ADGB: variants seen among roughly 807,000 people sequenced by gnomAD.
ADGB encodes the protein calpain-7-like protein.
Under a neutral mutation model 210.5 loss-of-function variants are expected in ADGB, and 172 were observed. That is an observed-to-expected ratio of 0.82 (90% CI 0.72 to 0.93). The LOEUF (loss-of-function observed/expected upper bound fraction) is 0.93, where lower values mean the gene tolerates loss of function less well. ADGB is among the 40% of genes least tolerant of loss of function. ADGB has a pLI of 0.00. For missense variants in ADGB, 2,025 were observed against 1,964.8 expected (o/e 1.03, Z -0.58); for synonymous variants, 658 against 662.7 (o/e 0.99, Z 0.11).
intron 1 of ADGB, among the ~76,000 whole-genome samples, chr6:146,633,270 C>T (rs1781090840): frequency 6.6e-6 from 1 of 152,098 alleles, no homozygotes; most frequent in Non-Finnish European, 1.5e-5. Context: ...AGTCCAAACC[C>T]CCATTAGTTC....
chr6:146,693,714 G>A (rs1776363414), intron 12 of ADGB, among the ~76,000 whole-genome samples: 1 of 151,910 alleles, frequency 6.6e-6, no homozygotes, highest in African/African-American at 2.4e-5. Context: ...CTTTTTTCTA[G>A]CATTTTACTA....
At chr6:146,712,881 A>T (rs1413870311) in intron 13 of ADGB, among the ~76,000 whole-genome samples, 2 of 151,984 alleles carry the variant, frequency 1.3e-5, no homozygotes, top group African/African-American at 4.8e-5. Flanking sequence ...CAAAAGTAAA[A>T]CTCTATATGC....
intron 1 of ADGB, among the ~76,000 whole-genome samples, chr6:146,617,140 T>G (rs575944601): frequency 6.6e-6 from 1 of 152,090 alleles, no homozygotes; most frequent in Non-Finnish European, 1.5e-5. Context: ...TTTTTTAGTT[T>G]TCTTTGTAGA....
At chr6:146,814,000 CCTT>C (rs925941725) in intron 35 of ADGB, among the ~76,000 whole-genome samples, 99 of 82,278 alleles carry the variant, frequency 1.2e-3, no homozygotes, top group Non-Finnish European at 1.5e-3. Flanking sequence ...TACAAACTCT[CCTT>C]AAAATCTCTC....
At chr6:146,793,848 C>T (rs1481815349) in intron 33 of ADGB, among the ~76,000 whole-genome samples, 1 of 152,192 alleles carries the variant, frequency 6.6e-6, no homozygotes, top group Non-Finnish European at 1.5e-5. Context: ...GTACAAAGTC[C>T]TTCTTTCTCA....
chr6:146,751,000 C>A (rs772920866), intron 26 of ADGB, among the ~76,000 whole-genome samples: 73 of 151,924 alleles, frequency 4.8e-4, no homozygotes, highest in Non-Finnish European at 8.2e-4. Flanking sequence ...TTCTGGTGTA[C>A]CTGTGCAAGA....
At chr6:146,748,349 G>T (rs767639167) in intron 26 of ADGB, among the ~76,000 whole-genome samples, 1 of 152,080 alleles carries the variant, frequency 6.6e-6, no homozygotes, top group Admixed American at 6.6e-5. Flanking sequence ...CTGGGTGGGT[G>T]ACTTATGCAA....
chr6:146,637,492 A>G (rs1465105891), intron 2 of ADGB, among the ~76,000 whole-genome samples: 1 of 152,056 alleles, frequency 6.6e-6, no homozygotes, highest in African/African-American at 2.4e-5. Context: ...ATAAAAAACG[A>G]TTTAATGGTA....
chr6:146,664,290 A>G lies in ADGB; in HGVS notation c.702A>G (p.Glu234=). The G allele has an allele frequency of 6.5e-7, 1 of 1,550,030 alleles. No individual in the cohort carries two copies. Among genetic ancestry groups the G allele is most frequent in the Non-Finnish European group, 8.7e-7 (1 of 1,146,120 alleles). ...TTCCAGCTACAACTTATGAATTTGA[A>G]CTGTGGCCAATGCTTTTGTCTAAAG... ...LLLPATTYEF[E]LWPMLLSKAI... Residue 234 remains glutamate, a synonymous_variant, in exon 6 of 36, where the codon GAA becomes GAG. Coordinates refer to ENST00000397944, the MANE Select transcript of ADGB (RefSeq NM_024694.4).
intron 1 of ADGB, among the ~76,000 whole-genome samples, chr6:146,635,118 A>G (rs1032395835): frequency 6.6e-6 from 1 of 152,044 alleles, no homozygotes; most frequent in Non-Finnish European, 1.5e-5. Context: ...ATAATACGGT[A>G]TATCTTTTTT....
At chr6:146,785,749 C>T in intron 32 of ADGB, 37 bp downstream of exon 32, 1 of 1,440,358 alleles carries the variant, frequency 6.9e-7, no homozygotes, top group East Asian at 2.5e-5. Context: ...CCTCAGAGCA[C>T]AGAGCTGTGA....
At chr6:146,687,415 C>G (rs1043591733) in intron 10 of ADGB, among the ~76,000 whole-genome samples, 1 of 151,870 alleles carries the variant, frequency 6.6e-6, no homozygotes, top group Non-Finnish European at 1.5e-5. Context: ...CAATGATAGA[C>G]TGAATAAAGA....
chr6:146,609,739 A>G (rs1445061835), intron 1 of ADGB, among the ~76,000 whole-genome samples: 1 of 152,162 alleles, frequency 6.6e-6, no homozygotes, highest in African/African-American at 2.4e-5. Flanking sequence ...TCTTCGTTGG[A>G]ATTCCTTTAC....
chr6:146,807,252 T>G (rs755001687), intron 35 of ADGB: 224 of 738,070 alleles, frequency 3.0e-4, no homozygotes, highest in Non-Finnish European at 4.4e-4. Context: ...TTGATAAGCT[T>G]TTGAGACCAT....
chr6:146,772,547 A>T (rs1777665774), intron 29 of ADGB, among the ~76,000 whole-genome samples: 2 of 147,356 alleles, frequency 1.4e-5, no homozygotes, highest in South Asian at 4.2e-4. Context: ...TCACGTCTTT[A>T]TTTGTGTCTC....
intron 8 of ADGB, among the ~76,000 whole-genome samples, chr6:146,675,292 A>T (rs573309887): frequency 6.6e-6 from 1 of 152,128 alleles, no homozygotes; most frequent in East Asian, 1.9e-4. Flanking sequence ...TGTCTCTATA[A>T]AAAAGAAAAA....
Position 146,666,675 on chromosome 6 carries a change from G to A in ADGB, c.753-141G>A, listed in dbSNP as rs1021189721. The A allele has an allele frequency of 4.5e-5, 19 of 425,030 alleles. 1 individual carries two copies. Among genetic ancestry groups the A allele is most frequent in the Non-Finnish European group, 7.9e-5 (19 of 240,612 alleles). 26.3% of individuals were successfully genotyped at this position (425,030 alleles called of 1,614,324 possible). On this transcript the variant is annotated intron_variant, in intron 6 of 35. Coordinates refer to ENST00000397944, the MANE Select transcript of ADGB (RefSeq NM_024694.4). ...CTTCAGTGTTTTAACAAATAATTTG[G>A]CTTCTGGGATAGTATTTTTTAATAC...
chr6:146,799,935 G>A (rs1284532862), intron 33 of ADGB, among the ~76,000 whole-genome samples: 1 of 151,722 alleles, frequency 6.6e-6, no homozygotes, highest in Non-Finnish European at 1.5e-5. Flanking sequence ...TCAGCCTCCC[G>A]AGTAGCTGGG....
At chr6:146,798,944 T>C (rs752477151) in intron 33 of ADGB, among the ~76,000 whole-genome samples, 1 of 151,396 alleles carries the variant, frequency 6.6e-6, no homozygotes, top group Non-Finnish European at 1.5e-5. Context: ...AGACCTATTG[T>C]TCAGATAGTA....
Sources: allele counts gnomAD v4.1 joint callset (sites outside exome capture counted in the v4.1 genomes callset), GRCh38; gene constraint gnomAD v4.1.1; transcripts MANE v1.5; gene names NCBI Gene and HGNC (gene_info 2026-07-23, HGNC 2026-07-21).